Variants in ZNF682 observed in about 807,000 individuals in gnomAD.
The protein encoded by ZNF682 is zinc finger protein 682.
A neutral mutation model predicts 36.5 loss-of-function variants in ZNF682; 29 were observed. That is an observed-to-expected ratio of 0.80 (90% CI 0.59 to 1.08). The LOEUF (loss-of-function observed/expected upper bound fraction) is 1.08, where lower values mean the gene tolerates loss of function less well. Among genes scored for constraint, ZNF682 ranks in the 50% least tolerant of loss-of-function variants. ZNF682 has a pLI of 0.00. For missense variants in ZNF682, 561 were observed against 579.7 expected, an observed-to-expected ratio of 0.97 and a Z score of 0.33; for synonymous variants, 180 against 197.0, an observed-to-expected ratio of 0.91 and a Z score of 0.72.
intron 2 of ZNF682, 61 bp downstream of exon 2, chr19:20,024,189 C>T: frequency 6.3e-7 from 1 of 1,592,568 alleles, no homozygotes; most frequent in Non-Finnish European, 8.6e-7. Flanking sequence ...AAACATTCTA[C>T]AGAGGAAGAA....
intron 3 of ZNF682, among the ~76,000 whole-genome samples, chr19:20,010,769 A>G (rs562059216): frequency 6.6e-6 from 1 of 152,170 alleles, no homozygotes; most frequent in East Asian, 1.9e-4. Context: ...GATCAAGACC[A>G]TCCTGGTCAA....
At chr19:20,039,103 G>C in intron 1 of ZNF682, 2 of 1,382,230 alleles carry the variant, frequency 1.4e-6, no homozygotes. Context: ...GCTCTTCCCA[G>C]GGTGGGCTCC....
chr19:20,017,478 T>C (rs1050200787), intron 3 of ZNF682, among the ~76,000 whole-genome samples: 3 of 152,162 alleles, frequency 2.0e-5, no homozygotes, highest in Admixed American at 6.5e-5. Context: ...TATTATATAA[T>C]GGCAAAATGG....
downstream of ZNF682, among the ~76,000 whole-genome samples, chr19:19,999,668 G>A (rs1430274642): frequency 1.3e-5 from 2 of 152,038 alleles, no homozygotes; most frequent in Non-Finnish European, 2.9e-5. Context: ...CTGAGTAGCT[G>A]AAGTTACAGG....
rs925403414 is a variant in ZNF682, at chr19:20,039,495, G to C, written c.-150C>G. On this transcript the variant is annotated 5_prime_UTR_variant, in exon 1 of 4. Transcript: ENST00000397165. ...ATGGACCCTGAGCTCTGGCTGGAGC[G>C]AGACAAAGGCCCCGCCAGCTCCAGG... 12 of 1,077,866 alleles carry C rather than the reference G, an allele frequency of 1.1e-5. No homozygotes were observed. Among genetic ancestry groups the C allele is most frequent in the Non-Finnish European group, 1.4e-5 (11 of 764,818 alleles). 66.8% of individuals were successfully genotyped at this position (1,077,866 alleles called of 1,614,324 possible).
intron 1 of ZNF682, among the ~76,000 whole-genome samples, chr19:20,035,875 A>T (rs980880122): frequency 1.3e-5 from 2 of 152,030 alleles, no homozygotes. Flanking sequence ...AGCAGGGATT[A>T]CAGGCGTTCA....
downstream of ZNF682, among the ~76,000 whole-genome samples, chr19:20,003,935 C>T (rs1006171953): frequency 6.6e-6 from 1 of 152,132 alleles, no homozygotes; most frequent in African/African-American, 2.4e-5. Context: ...TTTCTTTCTT[C>T]TCAAAATAGG....
downstream of ZNF682, among the ~76,000 whole-genome samples, chr19:20,001,749 CTG>C (rs983897082): frequency 4.6e-5 from 7 of 152,212 alleles, no homozygotes; most frequent in African/African-American, 1.7e-4. Context: ...TCTTCTAACT[CTG>C]TGTTAACAGA....
downstream of ZNF682, among the ~76,000 whole-genome samples, chr19:19,995,544 A>C (rs1363891780): frequency 6.6e-6 from 1 of 152,264 alleles, no homozygotes; most frequent in Non-Finnish European, 1.5e-5. Flanking sequence ...AGATTGAATT[A>C]GAGATTTCTC....
intron 1 of ZNF682, among the ~76,000 whole-genome samples, chr19:20,037,986 G>A (rs753052701): frequency 6.6e-6 from 1 of 152,214 alleles, no homozygotes. Context: ...AGATGGCCCA[G>A]GGGCTGATAT....
At chr19:20,025,227 A>G (rs1197624701) in intron 1 of ZNF682, among the ~76,000 whole-genome samples, 1 of 152,252 alleles carries the variant, frequency 6.6e-6, no homozygotes, top group Non-Finnish European at 1.5e-5. Flanking sequence ...AGCAAAGAGA[A>G]TCTAAAAAGA....
Position 20,006,382 on chromosome 19 carries a change from A to T in ZNF682, c.1120T>A (p.Cys374Ser). 1 of 1,613,042 alleles carries T rather than the reference A, an allele frequency of 6.2e-7. No homozygotes were observed. Among genetic ancestry groups the T allele is most frequent in the Non-Finnish European group, 8.5e-7 (1 of 1,179,796 alleles). Residue 374 changes from cysteine (C) to serine (S), a missense_variant, in exon 4 of 4, where the codon TGT (cysteine) becomes AGT (serine). Cys to Ser is a moderately radical substitution (Grantham distance 112). Transcript: ENST00000397165. ...SGEKPYKCEK[C>S]DKVFKRFSYL... is the part of the protein sequence containing the mutation. ...GAGAACCTCTTAAAGACTTTGTCAC[A>T]TTTTTCACATTTGTAGGGTTTCTCT...
chr19:20,016,888 A>G (rs1258218804), intron 3 of ZNF682, among the ~76,000 whole-genome samples: 1 of 152,146 alleles, frequency 6.6e-6, no homozygotes. Flanking sequence ...CAAAACACAA[A>G]TTTGCATAAA....
At chr19:20,025,273 T>C (rs552670518) in intron 1 of ZNF682, among the ~76,000 whole-genome samples, 1 of 152,340 alleles carries the variant, frequency 6.6e-6, no homozygotes, top group South Asian at 2.1e-4. Context: ...ATGGTTTATG[T>C]ACATCAGTCA....
At chr19:20,004,353 CTT>C (rs2088191668), downstream of ZNF682, 1 of 152,128 alleles carries the variant, frequency 6.6e-6, no homozygotes, top group African/African-American at 2.4e-5. Context: ...TACCTAGAGA[CTT>C]GAGTAAGGTA....
intron 3 of ZNF682, among the ~76,000 whole-genome samples, chr19:20,010,968 G>C (rs1360341084): frequency 2.7e-5 from 4 of 148,986 alleles, no homozygotes; most frequent in Non-Finnish European, 4.5e-5. Flanking sequence ...TCTCAAAAAA[G>C]AAAAAAAAAT....
At chr19:20,039,085 C>T (rs898272841) in intron 1 of ZNF682, 20 of 1,327,380 alleles carry the variant, frequency 1.5e-5, no homozygotes, top group Middle Eastern at 2.8e-4. Context: ...GACGCAAGAA[C>T]GCGCGCGGCT....
intron 3 of ZNF682, among the ~76,000 whole-genome samples, chr19:20,011,563 T>C (rs1488969784): frequency 2.0e-5 from 3 of 152,140 alleles, no homozygotes; most frequent in Non-Finnish European, 4.4e-5. Flanking sequence ...TCAAAACAGA[T>C]TTCAAAAATT....
chr19:20,019,508 C>G (rs1228261546), intron 3 of ZNF682, among the ~76,000 whole-genome samples: 2 of 151,376 alleles, frequency 1.3e-5, no homozygotes, highest in African/African-American at 4.9e-5. Context: ...TTCTGCACAG[C>G]AAAGAAAATA....
Sources: gnomAD v4.1 joint callset for allele counts (sites outside exome capture counted in the v4.1 genomes callset) on GRCh38, gnomAD v4.1.1 for gene constraint, MANE v1.5 for transcripts, NCBI Gene and HGNC (gene_info 2026-07-23, HGNC 2026-07-21) for gene names.